NUMB: variants seen among roughly 807,000 people sequenced by gnomAD.
NUMB encodes protein numb homolog.
Under a neutral mutation model 59.7 loss-of-function variants are expected in NUMB, and 29 were observed. That is an observed-to-expected ratio of 0.49 (90% confidence interval 0.36 to 0.66). NUMB has a LOEUF of 0.66. Ranked by LOEUF, NUMB falls within the 30% of genes least tolerant of loss-of-function variation. The pLI, the probability that NUMB is intolerant of heterozygous loss-of-function variation, is 0.00. For missense variants in NUMB, 723 were observed against 822.0 expected (o/e 0.88, Z 1.47); for synonymous variants, 288 against 288.2 (o/e 1.00, Z 0.01).
chr14:73,352,181 T>A (rs1416019315), intron 4 of NUMB, among the ~76,000 whole-genome samples: 7 of 151,476 alleles, frequency 4.6e-5, no homozygotes, highest in African/African-American at 1.7e-4. Context: ...CATTACAGTT[T>A]TCCTTTACCA....
At chr14:73,293,809 AT>A (rs1419504660) in intron 7 of NUMB, among the ~76,000 whole-genome samples, 1 of 152,114 alleles carries the variant, frequency 6.6e-6, no homozygotes, top group African/African-American at 2.4e-5. Context: ...CACTGTTTTC[AT>A]TTCTGTTAAG....
chr14:73,369,685 G>A (rs1415197054), intron 2 of NUMB, among the ~76,000 whole-genome samples: 1 of 152,198 alleles, frequency 6.6e-6, no homozygotes, highest in Non-Finnish European at 1.5e-5. Flanking sequence ...ACTTAAAAGT[G>A]TCCTTAGTAA....
chr14:73,416,419 G>A (rs922645886), intron 1 of NUMB, among the ~76,000 whole-genome samples: 1 of 151,512 alleles, frequency 6.6e-6, no homozygotes. Context: ...TACTAGCAGG[G>A]CTTTATCCAA....
In NUMB at chr14:73,276,477, GAA is replaced by G. The variant is rs1418576170; in HGVS notation, c.*99_*100del. 2.3e-6 allele frequency: 2 copies of G among 875,770 alleles called. No homozygotes were observed. The highest frequency in any genetic ancestry group is 2.7e-5 in the Admixed American group (1 of 37,238). The allele number at this position is 875,770 out of a possible 1,614,324, so 54.2% of individuals were successfully genotyped here. A position where few individuals can be genotyped will look rare whatever the true frequency, so the allele number is the denominator to read the frequency against. On this transcript the variant is annotated 3_prime_UTR_variant, in exon 13 of 13. Transcript: ENST00000555238. ...GTTCCTTGGGACCTTTGGGATTAGT[GAA>G]AAGAGTACTAATCAGGAGACAAAGT... is the stretch of plus-strand genomic sequence containing the variant.
At chr14:73,413,720 T>C (rs1286085472) in intron 1 of NUMB, among the ~76,000 whole-genome samples, 1 of 151,900 alleles carries the variant, frequency 6.6e-6, no homozygotes, top group Non-Finnish European at 1.5e-5. Flanking sequence ...ATTGCGCCAC[T>C]GCCCAGACCG....
intron 11 of NUMB, among the ~76,000 whole-genome samples, chr14:73,281,127 C>T (rs1002079416): frequency 1.3e-5 from 2 of 152,118 alleles, no homozygotes; most frequent in South Asian, 2.1e-4. Flanking sequence ...CAATTTTGCA[C>T]ACTTAGTGCC....
chr14:73,371,030 C>T (rs1338873232), intron 2 of NUMB, among the ~76,000 whole-genome samples: 1 of 52,650 alleles, frequency 1.9e-5, no homozygotes, highest in African/African-American at 1.7e-4. Flanking sequence ...AACTCCTGGA[C>T]TCCCATTCTC....
chr14:73,424,819 C>T (rs770014681), intron 1 of NUMB, among the ~76,000 whole-genome samples: 2 of 152,132 alleles, frequency 1.3e-5, no homozygotes, highest in Admixed American at 6.6e-5. Context: ...TTTAACTGAC[C>T]GTTCTGATTT....
At chr14:73,387,956 CAAAAAAAA>C (rs66701940) in intron 2 of NUMB, among the ~76,000 whole-genome samples, 13 of 94,416 alleles carry the variant, frequency 1.4e-4, no homozygotes, top group Non-Finnish European at 2.2e-4. Flanking sequence ...CTGTCTCTAC[CAAAAAAAA>C]AAAAAAAAAA....
At chr14:73,426,947 C>T (rs750808435) in intron 1 of NUMB, among the ~76,000 whole-genome samples, 4 of 151,916 alleles carry the variant, frequency 2.6e-5, no homozygotes, top group African/African-American at 9.7e-5. Context: ...CTGGGAGGTC[C>T]GGGCTGCAGT....
At chr14:73,301,510 T>G (rs2139857997) in intron 6 of NUMB, among the ~76,000 whole-genome samples, 1 of 152,324 alleles carries the variant, frequency 6.6e-6, no homozygotes, top group South Asian at 2.1e-4. Context: ...ACAGGACAGC[T>G]CACTGCAGCC....
chr14:73,331,285 C>T (rs1891959394), intron 4 of NUMB, among the ~76,000 whole-genome samples: 1 of 152,144 alleles, frequency 6.6e-6, no homozygotes, highest in Admixed American at 6.5e-5. Flanking sequence ...ATGGCTCAGG[C>T]CTGTAGTCCC....
At chr14:73,307,728 C>CTTTTTTT (rs34429117) in intron 6 of NUMB, among the ~76,000 whole-genome samples, 6 of 95,488 alleles carry the variant, frequency 6.3e-5, no homozygotes, top group South Asian at 4.1e-4. Context: ...GGGCCTCTGT[C>CTTTTTTT]TTTTTTTTTT....
intron 2 of NUMB, among the ~76,000 whole-genome samples, chr14:73,372,421 G>T (rs1894755631): frequency 7.1e-6 from 1 of 140,656 alleles, no homozygotes; most frequent in South Asian, 2.2e-4. Flanking sequence ...ACATATATGT[G>T]CCTATATATG....
intron 2 of NUMB, among the ~76,000 whole-genome samples, chr14:73,402,749 T>C (rs1896480342): frequency 6.6e-6 from 1 of 152,230 alleles, no homozygotes; most frequent in African/African-American, 2.4e-5. Context: ...CTCAGTAACT[T>C]GCCCAAGGTC....
chr14:73,391,492 T>C (rs947725845), intron 2 of NUMB, among the ~76,000 whole-genome samples: 2 of 152,126 alleles, frequency 1.3e-5, no homozygotes, highest in Admixed American at 1.3e-4. Flanking sequence ...TTATTATTGA[T>C]TGTCAATAAT....
chr14:73,323,498 C>T (rs891621376), intron 4 of NUMB, among the ~76,000 whole-genome samples: 3 of 152,192 alleles, frequency 2.0e-5, no homozygotes, highest in Non-Finnish European at 4.4e-5. Flanking sequence ...AAAGGTGTTA[C>T]AGGTGAGTAA....
chr14:73,305,078 T>C (rs1219525211), intron 6 of NUMB, among the ~76,000 whole-genome samples: 1 of 152,220 alleles, frequency 6.6e-6, no homozygotes, highest in East Asian at 1.9e-4. Flanking sequence ...AAATGAGTTT[T>C]TAAATTGTTG....
chr14:73,359,542 TTGA>T, intron 3 of NUMB, among the ~76,000 whole-genome samples: 1 of 152,298 alleles, frequency 6.6e-6, no homozygotes, highest in Non-Finnish European at 1.5e-5. Flanking sequence ...AAGGAACATC[TTGA>T]TGAAAAAGGG....
Sources: allele counts gnomAD v4.1 joint callset (sites outside exome capture counted in the v4.1 genomes callset), GRCh38; gene constraint gnomAD v4.1.1; transcripts MANE v1.5; gene names NCBI Gene and HGNC (gene_info 2026-07-23, HGNC 2026-07-21).